TIMD4: variants seen among roughly 807,000 people sequenced by gnomAD.
The protein encoded by TIMD4 is T-cell immunoglobulin and mucin domain-containing protein 4.
Under a neutral mutation model 41.2 loss-of-function variants are expected in TIMD4, and 31 were observed. That is an observed-to-expected ratio of 0.75 (90% CI 0.57 to 1.01). TIMD4 has a LOEUF of 1.01. TIMD4 is among the 50% of genes least tolerant of loss of function. The pLI is 0.00. For missense variants in TIMD4, 479 were observed against 472.5 expected (o/e 1.01, Z -0.13); for synonymous variants, 204 against 177.1 (o/e 1.15, Z -1.21).
chr5:156,930,824 G>A (rs1759432681), intron 5 of TIMD4, among the ~76,000 whole-genome samples: 1 of 152,194 alleles, frequency 6.6e-6, no homozygotes, highest in African/African-American at 2.4e-5. Flanking sequence ...GTAGTTTGGA[G>A]ACTGTGGTCA....
At chr5:156,943,281 C>T (rs1759679053) in intron 5 of TIMD4, among the ~76,000 whole-genome samples, 1 of 152,168 alleles carries the variant, frequency 6.6e-6, no homozygotes, top group South Asian at 2.1e-4. Context: ...TAATTATGTA[C>T]TAGGCATTTT....
chr5:156,924,466 T>C (rs565655206), intron 6 of TIMD4: 5 of 493,534 alleles, frequency 1.0e-5, no homozygotes, highest in Non-Finnish European at 1.6e-5. Flanking sequence ...CTGGGTGTTA[T>C]TGGTTTTGCT....
rs368991876 is a variant in TIMD4 at position 156,926,579 on chromosome 5, T to C, written c.845-267A>G. ...CATTGGGCCAGTAGGCAATTGGCTC[T>C]AATTTTTCTGTAGGCTTCAGCAATT... On this transcript the variant is annotated intron_variant, in intron 5 of 8. Coordinates refer to ENST00000274532, the MANE Select transcript of TIMD4 (RefSeq NM_138379.3). Among the ~76,000 whole-genome samples the C allele has an allele frequency of 1.1e-4, 17 of 152,352 alleles. No individual in the cohort carries two copies. The South Asian group carries it at 3.5e-3, about 32-fold the overall frequency.
At chr5:156,927,197 C>A (rs569296328) in intron 5 of TIMD4, among the ~76,000 whole-genome samples, 2 of 152,246 alleles carry the variant, frequency 1.3e-5, no homozygotes, top group South Asian at 4.1e-4. Context: ...AGGACAGAGT[C>A]CCTGTCTGCT....
chr5:156,940,705 C>A (rs960596906), intron 5 of TIMD4, among the ~76,000 whole-genome samples: 3 of 149,436 alleles, frequency 2.0e-5, no homozygotes, highest in Non-Finnish European at 4.5e-5. Flanking sequence ...AGTGAGGAGC[C>A]CCTCCGCCCG....
chr5:156,929,239 C>T (rs1759404951), intron 5 of TIMD4, among the ~76,000 whole-genome samples: 1 of 152,148 alleles, frequency 6.6e-6, no homozygotes. Flanking sequence ...CTGTGTTCCC[C>T]CAGCCCTTAG....
At chr5:156,921,616 C>CCAAAAAA (rs1561542964) in intron 7 of TIMD4, among the ~76,000 whole-genome samples, 1 of 47,252 alleles carries the variant, frequency 2.1e-5, no homozygotes. Context: ...GAGACTCTCT[C>CCAAAAAA]AAAAAAAAAA....
chr5:156,942,537 G>A (rs1196878565), intron 5 of TIMD4, among the ~76,000 whole-genome samples: 2 of 152,134 alleles, frequency 1.3e-5, no homozygotes, highest in African/African-American at 4.8e-5. Flanking sequence ...TTCTCCCTCT[G>A]TCTAGCTGTG....
Position 156,948,488 on chromosome 5 carries a change from A to G in TIMD4, c.772T>C (p.Trp258Arg), listed in dbSNP as rs1275546502. Residue 258 changes from tryptophan to arginine, a missense_variant, in exon 5 of 9, where the codon TGG (tryptophan) becomes CGG (arginine). By Grantham distance (101) the Trp-to-Arg change is moderately radical. Transcript: ENST00000274532. ...VLLTSKESKV[W>R]DLPSTSHVSM... ...ACGTGGGATGTTGATGGGAGATCCC[A>G]AACTTTGGACTCTTTGGAAAAACAA... 1.3e-6 allele frequency: 2 copies of G among 1,552,584 alleles called. No homozygotes were observed. Among genetic ancestry groups the G allele is most frequent in the Non-Finnish European group, 1.7e-6 (2 of 1,149,930 alleles).
chr5:156,947,816 T>C (rs1759772002), intron 5 of TIMD4, among the ~76,000 whole-genome samples: 1 of 152,212 alleles, frequency 6.6e-6, no homozygotes, highest in Non-Finnish European at 1.5e-5. Context: ...TATTATCTCA[T>C]GGCAGGGGGC....
intron 3 of TIMD4, among the ~76,000 whole-genome samples, chr5:156,949,989 GT>G (rs1759824485): frequency 6.6e-6 from 1 of 152,012 alleles, no homozygotes; most frequent in Non-Finnish European, 1.5e-5. Context: ...GGCTAATTTT[GT>G]ATTTTTAGTA....
chr5:156,920,583 G>T (rs1759218514), intron 7 of TIMD4, 80 bp from the exon 8 acceptor site: 7 of 1,464,702 alleles, frequency 4.8e-6, no homozygotes, highest in Non-Finnish European at 5.7e-6. Context: ...TTCCAGTGCT[G>T]CCCCGCAAAG....
Position 156,940,380 on chromosome 5 carries a change from C to A in TIMD4, c.844+8036G>T, listed in dbSNP as rs1341995591. The stretch of plus-strand genomic sequence containing the variant: ...TGCAGCCTCTGCCCGGCCGCCACCC[C>A]ATCTAGGAAGTGAGGAGCGTCTCTG... On this transcript the variant is annotated intron_variant, in intron 5 of 8. Transcript: ENST00000274532. 5.3e-5 allele frequency among the ~76,000 whole-genome samples: 8 copies of A among 152,316 alleles called. No homozygotes were observed. The East Asian group carries it at 1.3e-3, about 26-fold the overall frequency.
chr5:156,919,309 C>T lies in TIMD4; in HGVS notation c.*148G>A, dbSNP rs1759192394. On this transcript the variant is annotated 3_prime_UTR_variant, in exon 9 of 9. Transcript: ENST00000274532. ...CAGAGAAGTTGTGGTCTCTAAAGTA[C>T]CCTTCATTCATGAAACTAAAGCAAG... 2 of 666,334 alleles carry T rather than the reference C, an allele frequency of 3.0e-6. No homozygotes were observed. Among genetic ancestry groups the T allele is most frequent in the Admixed American group, 2.7e-5 (1 of 37,522 alleles). The allele number at this position is 666,334 out of a possible 1,614,324, so 41.3% of individuals were successfully genotyped here.
intron 1 of TIMD4, among the ~76,000 whole-genome samples, chr5:156,957,519 A>G (rs553434798): frequency 4.6e-5 from 7 of 150,744 alleles, no homozygotes; most frequent in African/African-American, 1.7e-4. Flanking sequence ...TCTCAAAAAA[A>G]AAAAAGAAAA....
intron 5 of TIMD4, among the ~76,000 whole-genome samples, chr5:156,945,827 G>A (rs2113374618): frequency 6.6e-6 from 1 of 152,346 alleles, no homozygotes; most frequent in African/African-American, 2.4e-5. Context: ...TGAGAGCTGT[G>A]TGGCCTTGGG....
At chr5:156,939,869 A>G (rs1759607524) in intron 5 of TIMD4, among the ~76,000 whole-genome samples, 1 of 152,098 alleles carries the variant, frequency 6.6e-6, no homozygotes, top group Non-Finnish European at 1.5e-5. Context: ...ACTCCCATCT[A>G]ATACATCTTC....
At chr5:156,933,458 C>A (rs1008386288) in intron 5 of TIMD4, among the ~76,000 whole-genome samples, 1 of 135,484 alleles carries the variant, frequency 7.4e-6, no homozygotes, top group African/African-American at 3.0e-5. Context: ...CGCCCCCCAA[C>A]CCCCCCCCAA....
intron 2 of TIMD4, among the ~76,000 whole-genome samples, chr5:156,952,384 T>C (rs1028760324): frequency 2.0e-5 from 3 of 152,240 alleles, no homozygotes; most frequent in Non-Finnish European, 2.9e-5. Flanking sequence ...AACCCAGTCC[T>C]GCACCTTGGC....
Sources: allele counts gnomAD v4.1 joint callset (sites outside exome capture counted in the v4.1 genomes callset), GRCh38; gene constraint gnomAD v4.1.1; transcripts MANE v1.5; gene names NCBI Gene and HGNC (gene_info 2026-07-23, HGNC 2026-07-21).